Variants in GARRE1 observed in about 807,000 individuals in gnomAD.
GARRE1 encodes the protein granule associated Rac and RHOG effector protein 1.
In GARRE1, 49 loss-of-function variants were observed where a neutral mutation model predicts 103.2. The ratio of observed to expected loss-of-function variants is 0.47; its 90% CI spans 0.38 to 0.60. The LOEUF is 0.60. GARRE1 is among the 20% of genes least tolerant of loss of function. The pLI, the probability that GARRE1 is intolerant of heterozygous loss-of-function variation, is 0.00. For synonymous variants in GARRE1, 505 were observed against 532.8 expected (o/e 0.95, Z 0.72); for missense variants, 1,199 against 1,370.5 (o/e 0.87, Z 1.98).
chr19:34,339,030 T>C (rs2145277305), intron 8 of GARRE1, among the ~76,000 whole-genome samples: 1 of 152,302 alleles, frequency 6.6e-6, no homozygotes, highest in South Asian at 2.1e-4. Flanking sequence ...TAAGAAGAGC[T>C]GTCAGGATTC....
intron 10 of GARRE1, among the ~76,000 whole-genome samples, chr19:34,345,861 C>T (rs904566835): frequency 2.0e-5 from 3 of 152,194 alleles, no homozygotes; most frequent in African/African-American, 7.2e-5. Context: ...AGAATGTTAT[C>T]ATATTTGACC....
At chr19:34,333,675 T>A (rs1599777839) in intron 7 of GARRE1, 29 bp from the exon 8 acceptor site, 2 of 1,140,334 alleles carry the variant, frequency 1.8e-6, no homozygotes, top group African/African-American at 1.6e-5. Context: ...TGGTTGTTAT[T>A]TGTTTTTTTT....
At chr19:34,256,802 C>G (rs976533455) in intron 1 of GARRE1, among the ~76,000 whole-genome samples, 4 of 152,098 alleles carry the variant, frequency 2.6e-5, no homozygotes, top group African/African-American at 4.8e-5. Flanking sequence ...ACAGTATTTT[C>G]TTTTCACAGT....
intron 1 of GARRE1, among the ~76,000 whole-genome samples, chr19:34,254,851 C>T (rs1432854211): frequency 1.0e-4 from 15 of 150,468 alleles, no homozygotes; most frequent in Admixed American, 8.6e-4. Context: ...GGAGGGGCCT[C>T]CTGGCGCGAA....
chr19:34,264,547 C>T (rs573297211), intron 1 of GARRE1, among the ~76,000 whole-genome samples: 46 of 152,184 alleles, frequency 3.0e-4, no homozygotes, highest in Non-Finnish European at 7.4e-5. Context: ...TACAGGTGCC[C>T]GCCACCATGC....
intron 2 of GARRE1, among the ~76,000 whole-genome samples, chr19:34,301,534 A>T (rs1226845604): frequency 1.3e-5 from 2 of 150,612 alleles, no homozygotes; most frequent in Admixed American, 1.3e-4. Context: ...AAAAAAAAAA[A>T]AAAAGAAAAA....
intron 8 of GARRE1, among the ~76,000 whole-genome samples, chr19:34,339,087 A>G (rs1254114726): frequency 1.3e-5 from 2 of 152,146 alleles, no homozygotes; most frequent in African/African-American, 4.8e-5. Context: ...GAGGGTGTGT[A>G]AGTTTTGGGG....
chr19:34,345,977 C>T (rs1187380627), intron 10 of GARRE1, among the ~76,000 whole-genome samples: 2 of 152,158 alleles, frequency 1.3e-5, no homozygotes, highest in African/African-American at 4.8e-5. Flanking sequence ...TTCTACAGAC[C>T]TTGCCCCGAG....
At chr19:34,351,202 A>T (rs8105648) in intron 12 of GARRE1, among the ~76,000 whole-genome samples, 1 of 114,786 alleles carries the variant, frequency 8.7e-6, no homozygotes, top group Non-Finnish European at 1.7e-5. Context: ...GTCTCAAAAA[A>T]AAAAAAAAAA....
chr19:34,271,908 A>C (rs1340207318), intron 1 of GARRE1, among the ~76,000 whole-genome samples: 1 of 152,144 alleles, frequency 6.6e-6, no homozygotes, highest in Non-Finnish European at 1.5e-5. Flanking sequence ...CATAGAAGGC[A>C]TTCTGTCAGC....
intron 1 of GARRE1, chr19:34,296,658 C>G (rs2073949275): frequency 1.0e-6 from 1 of 965,908 alleles, no homozygotes. Flanking sequence ...AGATTTGTAT[C>G]TTTGTGATCG....
intron 10 of GARRE1, among the ~76,000 whole-genome samples, chr19:34,343,072 G>T (rs1479304426): frequency 6.6e-6 from 1 of 152,132 alleles, no homozygotes; most frequent in African/African-American, 2.4e-5. Flanking sequence ...AACTCTAAAG[G>T]ATCTTTGGAA....
intron 8 of GARRE1, among the ~76,000 whole-genome samples, chr19:34,334,398 T>C (rs1030564407): frequency 6.6e-6 from 1 of 151,840 alleles, no homozygotes; most frequent in African/African-American, 2.4e-5. Flanking sequence ...GATCAACAAA[T>C]AGATTAAGAA....
At chr19:34,279,984 CAAAAA>C (rs34044474) in intron 1 of GARRE1, among the ~76,000 whole-genome samples, 1 of 67,920 alleles carries the variant, frequency 1.5e-5, no homozygotes. Context: ...GACTCCGTCT[CAAAAA>C]AAAAAAAAAA....
intron 1 of GARRE1, among the ~76,000 whole-genome samples, chr19:34,279,911 G>A (rs2145221180): frequency 6.7e-6 from 1 of 150,158 alleles, no homozygotes; most frequent in East Asian, 2.0e-4. Context: ...CGTGAACCCG[G>A]GAGGCGGAGC....
chr19:34,321,050 C>CTTTTTTT (rs33942697), intron 3 of GARRE1, among the ~76,000 whole-genome samples: 23 of 55,756 alleles, frequency 4.1e-4, no homozygotes, highest in Admixed American at 5.8e-4. Context: ...AGACAAGATT[C>CTTTTTTT]TTTTTTTTTT....
chr19:34,341,071 C>T (rs10402081), intron 9 of GARRE1, among the ~76,000 whole-genome samples: 8 of 152,214 alleles, frequency 5.3e-5, no homozygotes, highest in Non-Finnish European at 1.2e-4. Context: ...CATTGTCCCT[C>T]TGCTGCATTT....
In GARRE1 at chr19:34,300,493, A is replaced by G. The variant is rs775951539; in HGVS notation, c.20A>G (p.Gln7Arg). The G allele has an allele frequency of 1.0e-5, 16 of 1,603,256 alleles. No individual in the cohort carries two copies. Among genetic ancestry groups the G allele is most frequent in the East Asian group, 6.7e-5 (3 of 44,692 alleles). Reference sequence around the variant, plus strand: ...TCCCGCATGTATTGCTGCAGTGCCCAGGACAGTAAAATGGACTACAAGCGG... The same window carrying G: ...TCCCGCATGTATTGCTGCAGTGCCCGGGACAGTAAAATGGACTACAAGCGG... MYCCSA[Q>R]DSKMDYKRRF... Residue 7 changes from glutamine (Q) to arginine (R), a missense_variant, in exon 2 of 14, where the codon CAG becomes CGG. Transcript: ENST00000299505.
chr19:34,352,994 G>A lies in GARRE1; in HGVS notation c.*39G>A, dbSNP rs1014849717. On this transcript the variant is annotated 3_prime_UTR_variant, in exon 14 of 14. Transcript: ENST00000299505. ...AGCCTGCCTGCCTGCCTGCCTGCCC[G>A]CCCAGAGCTGTGGGGATGAGTGTCC... The A allele has an allele frequency of 1.8e-5, 26 of 1,475,358 alleles. No individual in the cohort carries two copies. Among genetic ancestry groups the A allele is most frequent in the South Asian group, 5.4e-5 (4 of 74,052 alleles). The allele number at this position is 1,475,358 out of a possible 1,614,324, so 91.4% of individuals were successfully genotyped here. A position where few individuals can be genotyped will look rare whatever the true frequency, so the allele number is the denominator to read the frequency against.
Sources: allele counts gnomAD v4.1 joint callset (sites outside exome capture counted in the v4.1 genomes callset), GRCh38; gene constraint gnomAD v4.1.1; transcripts MANE v1.5; gene names NCBI Gene and HGNC (gene_info 2026-07-23, HGNC 2026-07-21).